DDAH1: variants seen among roughly 807,000 people sequenced by gnomAD.
DDAH1 encodes dimethylarginine dimethylaminohydrolase 1.
Under a neutral mutation model 28.8 loss-of-function variants are expected in DDAH1, and 19 were observed. The ratio of observed to expected loss-of-function variants is 0.66; its 90% CI spans 0.46 to 0.97. The LOEUF (loss-of-function observed/expected upper bound fraction) is 0.97, where lower values mean the gene tolerates loss of function less well. DDAH1 is among the 50% of genes least tolerant of loss of function. The pLI is 0.00. For missense variants in DDAH1, 326 were observed against 375.9 expected (o/e 0.87, Z 1.10); for synonymous variants, 153 against 154.4 (o/e 0.99, Z 0.07).
chr1:85,565,683 CAAAAA>C, intron 1 of DDAH1, among the ~76,000 whole-genome samples: 2 of 152,226 alleles, frequency 1.3e-5, no homozygotes, highest in South Asian at 2.1e-4. Context: ...CAGGCAGAAG[CAAAAA>C]TAATACCTAA....
chr1:85,508,457 T>C (rs1055861260), intron 1 of DDAH1, among the ~76,000 whole-genome samples: 2 of 152,186 alleles, frequency 1.3e-5, no homozygotes, highest in African/African-American at 2.4e-5. Context: ...GTTCATCTCA[T>C]TGGGACTGGG....
chr1:85,372,028 T>A (rs1650410057), intron 1 of DDAH1, among the ~76,000 whole-genome samples: 1 of 152,004 alleles, frequency 6.6e-6, no homozygotes, highest in African/African-American at 2.4e-5. Flanking sequence ...TCCTTCCTAG[T>A]CCTTAGCTTT....
At chr1:85,529,535 T>G (rs1194313742) in intron 1 of DDAH1, among the ~76,000 whole-genome samples, 1 of 147,700 alleles carries the variant, frequency 6.8e-6, no homozygotes, top group African/African-American at 2.5e-5. Context: ...GTAGAAGCAC[T>G]GCACAAACTT....
intron 1 of DDAH1, among the ~76,000 whole-genome samples, chr1:85,433,882 T>G (rs1462747604): frequency 6.6e-6 from 1 of 152,208 alleles, no homozygotes; most frequent in Admixed American, 6.5e-5. Flanking sequence ...ATGTTAAATG[T>G]TCTTGATATT....
intron 2 of DDAH1, chr1:85,494,086 T>A (rs542487641): frequency 1.8e-4 from 28 of 152,344 alleles, no homozygotes; most frequent in African/African-American, 6.7e-4. Flanking sequence ...CCCTTCTGAA[T>A]GTATTGAACA....
intron 1 of DDAH1, among the ~76,000 whole-genome samples, chr1:85,564,036 GT>G (rs1659214229): frequency 6.6e-6 from 1 of 152,160 alleles, no homozygotes; most frequent in African/African-American, 2.4e-5. Context: ...GCTGGGCATG[GT>G]GGTATGCACC....
chr1:85,497,574 A>G (rs1656645344), intron 1 of DDAH1, among the ~76,000 whole-genome samples: 1 of 152,248 alleles, frequency 6.6e-6, no homozygotes, highest in South Asian at 2.1e-4. Context: ...TGCAAAATAC[A>G]ATAATGTCCA....
At chr1:85,446,410 T>A (rs1313367096) in intron 1 of DDAH1, among the ~76,000 whole-genome samples, 1 of 152,176 alleles carries the variant, frequency 6.6e-6, no homozygotes, top group Non-Finnish European at 1.5e-5. Context: ...TACCTCTACC[T>A]GGTCTCTCCC....
chr1:85,441,322 C>T (rs1654180193), intron 1 of DDAH1, among the ~76,000 whole-genome samples: 1 of 152,122 alleles, frequency 6.6e-6, no homozygotes, highest in Non-Finnish European at 1.5e-5. Flanking sequence ...GCAGGCAGGT[C>T]ACGAGGTCAG....
chr1:85,371,172 T>C (rs1650365364), intron 1 of DDAH1, among the ~76,000 whole-genome samples: 1 of 152,198 alleles, frequency 6.6e-6, no homozygotes, highest in Non-Finnish European at 1.5e-5. Context: ...CGTACATTCA[T>C]TATGATTGCA....
At chr1:85,575,731 A>T (rs1396532053) in intron 1 of DDAH1, 4 of 152,220 alleles carry the variant, frequency 2.6e-5, no homozygotes, top group African/African-American at 9.7e-5. Context: ...AGAGATAGAG[A>T]GTAGGCAGTA....
intron 1 of DDAH1, among the ~76,000 whole-genome samples, chr1:85,527,502 G>GT (rs1440541575): frequency 6.6e-6 from 1 of 152,212 alleles, no homozygotes; most frequent in Non-Finnish European, 1.5e-5. Context: ...GGCAAGACTG[G>GT]TTCAGACCAG....
chr1:85,349,099 T>C (rs1649041166), intron 4 of DDAH1, among the ~76,000 whole-genome samples: 1 of 152,244 alleles, frequency 6.6e-6, no homozygotes, highest in African/African-American at 2.4e-5. Flanking sequence ...TCAAATGTTT[T>C]CTTTCAAGAC....
rs1655312808 is a variant in DDAH1, at chr1:85,465,082, GGCGGCCGGGTCCTGCC to G, written c.-53_-38del. ...GCTTAGGGGCGGCGGCGGCGGCGGA[GGCGGCCGGGTCCTGCC>G]GCGGGCAGCGCGCGCTGAGCCTGCG... On this transcript the variant is annotated 5_prime_UTR_variant, in exon 1 of 6. Coordinates refer to ENST00000284031, the MANE Select transcript of DDAH1 (RefSeq NM_012137.4). 1.6e-5 allele frequency: 19 copies of G among 1,217,774 alleles called. No individual in the cohort carries two copies. Among genetic ancestry groups the G allele is most frequent in the Non-Finnish European group, 1.8e-5 (18 of 980,500 alleles). The allele number at this position is 1,217,774 out of a possible 1,614,324, so 75.4% of individuals were successfully genotyped here.
chr1:85,409,392 C>T (rs1385688933), intron 1 of DDAH1, among the ~76,000 whole-genome samples: 4 of 152,128 alleles, frequency 2.6e-5, no homozygotes, highest in Non-Finnish European at 4.4e-5. Context: ...AAATGAAACA[C>T]CTTCATTATT....
intron 1 of DDAH1, among the ~76,000 whole-genome samples, chr1:85,371,265 C>T (rs1342301467): frequency 6.6e-6 from 1 of 152,206 alleles, no homozygotes; most frequent in Non-Finnish European, 1.5e-5. Context: ...GTGAAGTCAT[C>T]AAGTGCTACT....
At chr1:85,496,245 C>A (rs1046858431) in exon 2 of DDAH1, 9 of 984,850 alleles carry the variant, frequency 9.1e-6, no homozygotes, top group African/African-American at 7.0e-5. Flanking sequence ...AAAGTCTTGG[C>A]CAAAGTTACC....
intron 1 of DDAH1, among the ~76,000 whole-genome samples, chr1:85,390,263 G>A (rs904357618): frequency 6.6e-6 from 1 of 152,148 alleles, no homozygotes; most frequent in African/African-American, 2.4e-5. Context: ...GGCCAAATTG[G>A]AGAACTGGCA....
intron 1 of DDAH1, among the ~76,000 whole-genome samples, chr1:85,539,211 G>A (rs1273656082): frequency 1.3e-5 from 2 of 151,776 alleles, no homozygotes; most frequent in African/African-American, 4.8e-5. Context: ...CAACGGCACA[G>A]TCTTGGCTCA....
Sources: allele counts gnomAD v4.1 joint callset (sites outside exome capture counted in the v4.1 genomes callset), GRCh38; gene constraint gnomAD v4.1.1; transcripts MANE v1.5; gene names NCBI Gene and HGNC (gene_info 2026-07-23, HGNC 2026-07-21).